The following CFAP299 variants were observed in gnomAD, a reference collection of about 807,000 sequenced individuals.
CFAP299 encodes the protein cilia- and flagella-associated protein 299.
Under a neutral mutation model 27.0 loss-of-function variants are expected in CFAP299, and 21 were observed. That is an observed-to-expected ratio of 0.78 (90% confidence interval 0.55 to 1.12). CFAP299 has a LOEUF of 1.12. Ranked by LOEUF, CFAP299 falls within the 50% of genes most tolerant of loss-of-function variation. CFAP299 has a pLI of 0.00. For missense variants in CFAP299, 310 were observed against 276.6 expected (o/e 1.12, Z -0.86); for synonymous variants, 104 against 98.1 (o/e 1.06, Z -0.36).
At chr4:80,915,335 T>C (rs1198879209) in intron 4 of CFAP299, among the ~76,000 whole-genome samples, 1 of 152,058 alleles carries the variant, frequency 6.6e-6, no homozygotes, top group Admixed American at 6.6e-5. Flanking sequence ...GCGTAGTTTC[T>C]GATGGATACC....
chr4:80,821,681 A>G (rs1317135542), intron 3 of CFAP299, among the ~76,000 whole-genome samples: 1 of 152,188 alleles, frequency 6.6e-6, no homozygotes, highest in Non-Finnish European at 1.5e-5. Flanking sequence ...TTCCTGCTGT[A>G]CAGGCTTTAT....
chr4:80,599,253 C>T (rs1056031164), intron 3 of CFAP299, among the ~76,000 whole-genome samples: 1 of 152,150 alleles, frequency 6.6e-6, no homozygotes. Context: ...GCTGTTGAAT[C>T]CACAGCTCTA....
intron 3 of CFAP299, among the ~76,000 whole-genome samples, chr4:80,799,334 T>A (rs1421731648): frequency 1.0e-5 from 1 of 96,816 alleles, no homozygotes; most frequent in Admixed American, 1.6e-4. Flanking sequence ...ATTTATATAA[T>A]ATTTATATAT....
chr4:80,424,775 A>G (rs1165611305), intron 2 of CFAP299, among the ~76,000 whole-genome samples: 1 of 152,208 alleles, frequency 6.6e-6, no homozygotes, highest in African/African-American at 2.4e-5. Flanking sequence ...TGACTGGACG[A>G]TACAAAAAAA....
intron 3 of CFAP299, among the ~76,000 whole-genome samples, chr4:80,843,023 C>T (rs1264949823): frequency 1.3e-5 from 2 of 151,766 alleles, no homozygotes; most frequent in African/African-American, 4.8e-5. Context: ...CATCTTTTCA[C>T]TATTTCCTAT....
At chr4:80,651,845 C>T (rs1456640848) in intron 3 of CFAP299, among the ~76,000 whole-genome samples, 2 of 150,884 alleles carry the variant, frequency 1.3e-5, no homozygotes, top group African/African-American at 4.9e-5. Context: ...TAATCTGGGG[C>T]AAAGTCAAAG....
chr4:80,471,281 CA>C (rs1260452156), intron 2 of CFAP299, among the ~76,000 whole-genome samples: 2 of 151,832 alleles, frequency 1.3e-5, no homozygotes, highest in Non-Finnish European at 2.9e-5. Flanking sequence ...TAACTCCCCT[CA>C]AACAAATAAC....
intron 3 of CFAP299, among the ~76,000 whole-genome samples, chr4:80,726,455 CTTACTTAAAT>C (rs1723168430): frequency 6.6e-6 from 1 of 152,088 alleles, no homozygotes; most frequent in African/African-American, 2.4e-5. Flanking sequence ...TCATTTTATA[CTTACTTAAAT>C]TTACTTAAAT....
At chr4:80,400,627 C>T (rs1158416636) in intron 2 of CFAP299, among the ~76,000 whole-genome samples, 2 of 152,152 alleles carry the variant, frequency 1.3e-5, no homozygotes, top group East Asian at 1.9e-4. Flanking sequence ...AATTGTCCGT[C>T]CAATTAAACC....
chr4:80,944,959 TAG>T lies in CFAP299; in HGVS notation c.606+21_606+22del, dbSNP rs1201494408. ...CCAAAGGTAATTCTTCTTTTACACT[TAG>T]TTAGTTACCTCTTCACATGTTATTG... On this transcript the variant is annotated intron_variant, in intron 5 of 5. Transcript: ENST00000358105. 6.2e-7 allele frequency: 1 copy of T among 1,601,482 alleles called. No individual in the cohort carries two copies. The highest frequency in any genetic ancestry group is 8.5e-7 in the Non-Finnish European group (1 of 1,171,236).
chr4:80,581,488 A>C (rs1330948490), intron 2 of CFAP299, among the ~76,000 whole-genome samples: 1 of 137,144 alleles, frequency 7.3e-6, no homozygotes, highest in Admixed American at 7.3e-5. Flanking sequence ...ATATATATAT[A>C]TGACAAGCTG....
chr4:80,501,798 A>G (rs935516932), intron 2 of CFAP299, among the ~76,000 whole-genome samples: 2 of 151,650 alleles, frequency 1.3e-5, no homozygotes, highest in African/African-American at 4.8e-5. Context: ...TAGGGAAAAC[A>G]AAGCATACAA....
upstream of CFAP299, among the ~76,000 whole-genome samples, chr4:80,334,780 A>G (rs189158202): frequency 6.6e-6 from 1 of 152,352 alleles, no homozygotes; most frequent in East Asian, 1.9e-4. Context: ...CCTAATTTTT[A>G]AGATGAACTT....
chr4:80,613,842 C>A (rs1023210983), intron 3 of CFAP299, among the ~76,000 whole-genome samples: 1 of 152,180 alleles, frequency 6.6e-6, no homozygotes, highest in Admixed American at 6.5e-5. Flanking sequence ...AAGACTAATG[C>A]TTGACCAAAA....
chr4:80,941,378 A>T (rs1230343308), intron 4 of CFAP299, among the ~76,000 whole-genome samples: 1 of 152,226 alleles, frequency 6.6e-6, no homozygotes, highest in Non-Finnish European at 1.5e-5. Context: ...GTGCCAGACC[A>T]CTGTTTCCCA....
intron 3 of CFAP299, among the ~76,000 whole-genome samples, chr4:80,750,025 T>C (rs966738225): frequency 4.6e-5 from 7 of 152,324 alleles, no homozygotes; most frequent in Admixed American, 4.6e-4. Flanking sequence ...AAAATAAATC[T>C]TTCATTTGAA....
intron 3 of CFAP299, among the ~76,000 whole-genome samples, chr4:80,729,406 C>G (rs905502875): frequency 6.6e-6 from 1 of 152,082 alleles, no homozygotes. Context: ...TTGTGACTCA[C>G]TTCTAACATA....
chr4:80,458,316 G>A (rs1729265649), intron 2 of CFAP299, among the ~76,000 whole-genome samples: 2 of 152,154 alleles, frequency 1.3e-5, no homozygotes, highest in South Asian at 4.1e-4. Context: ...CCGTGTCTGG[G>A]AATGGAACCC....
chr4:80,646,587 A>G (rs1740021284), intron 3 of CFAP299, among the ~76,000 whole-genome samples: 2 of 152,216 alleles, frequency 1.3e-5, no homozygotes, highest in South Asian at 4.1e-4. Context: ...AAAGCTATCC[A>G]AACATTTTTA....
Sources: allele counts gnomAD v4.1 joint callset (sites outside exome capture counted in the v4.1 genomes callset), GRCh38; gene constraint gnomAD v4.1.1; transcripts MANE v1.5; gene names NCBI Gene and HGNC (gene_info 2026-07-23, HGNC 2026-07-21).